Variants in SATB1 observed in about 807,000 individuals in gnomAD.
SATB1 encodes DNA-binding protein SATB1.
SATB1 carries 11 observed loss-of-function variants against 86.9 expected under a neutral mutation model. The observed-to-expected ratio is 0.13, with a 90% CI of 0.08 to 0.21. The LOEUF is 0.21. SATB1 is among the 10% of genes least tolerant of loss of function. SATB1 has a pLI of 1.00. For missense variants in SATB1, 551 were observed against 937.6 expected, an observed-to-expected ratio of 0.59 and a Z score of 5.39; for synonymous variants, 357 against 357.2, an observed-to-expected ratio of 1.00 and a Z score of 0.01.
At position 18,417,160 on chromosome 3, in the gene SATB1, G is replaced by C. The variant is rs1698159169; in HGVS notation, c.212-82C>G. The C allele has an allele frequency of 2.2e-6, 3 of 1,388,420 alleles. No individual in the cohort carries two copies. In the East Asian group the frequency reaches 6.9e-5, roughly 32 times the overall value. 86.0% of individuals were successfully genotyped at this position (1,388,420 alleles called of 1,614,324 possible). ...TTGGGGGTGGCGGGAGGAAATATTA[G>C]CCATGAAAATAAATAATCACAAGAG... On this transcript the variant is annotated intron_variant, in intron 2 of 10. Transcript: ENST00000338745.
chr3:18,400,527 C>A (rs145129720), intron 5 of SATB1, among the ~76,000 whole-genome samples: 1 of 152,238 alleles, frequency 6.6e-6, no homozygotes, highest in Admixed American at 6.5e-5. Context: ...TTTTAAAATT[C>A]ATTTAGCATA....
chr3:18,390,691 T>C (rs115052805), intron 7 of SATB1, among the ~76,000 whole-genome samples: 1 of 152,168 alleles, frequency 6.6e-6, no homozygotes, highest in South Asian at 2.1e-4. Flanking sequence ...ATTACTGTTA[T>C]CAGTTTTGAA....
In SATB1 at chr3:18,349,202, T is replaced by G; in HGVS notation, c.2260A>C (p.Asn754His). 4 of 1,614,082 alleles carry G rather than the reference T, an allele frequency of 2.5e-6. No homozygotes were observed. The highest frequency in any genetic ancestry group is 1.1e-5 in the South Asian group (1 of 91,084). Residue 754 changes from asparagine to histidine, a missense_variant, in exon 11 of 11, where the codon AAC becomes CAC. This residue lies in a region of SATB1 where 41 missense variants were observed against 38.9 expected (regional missense o/e 1.06). Coordinates refer to ENST00000338745, the MANE Select transcript of SATB1 (RefSeq NM_002971.6). This position sits in a 1 kb window ranked among gnomAD's most constrained non-coding sequence, Gnocchi z 5.5. Reference protein sequence around the residue: ...KLEEELSVEGNTDINTDLKD With the variant: ...KLEEELSVEGHTDINTDLKD ...TTCAAATCAGTATTAATGTCTGTGT[T>G]TCCTTCCACTGACAGCTCTTCTTCT...
At position 18,352,306 on chromosome 3, in the gene SATB1, A is replaced by G. The variant is rs1559388886; in HGVS notation, c.1576-111T>C. The G allele has an allele frequency of 1.2e-6, 1 of 846,478 alleles. No individual in the cohort carries two copies. Among genetic ancestry groups the G allele is most frequent in the Non-Finnish European group, 1.9e-6 (1 of 535,424 alleles). The allele number at this position is 846,478 out of a possible 1,614,324, so 52.4% of individuals were successfully genotyped here. A position where few individuals can be genotyped will look rare whatever the true frequency, so the allele number is the denominator to read the frequency against. On this transcript the variant is annotated intron_variant, in intron 9 of 10. Coordinates refer to ENST00000338745, the MANE Select transcript of SATB1 (RefSeq NM_002971.6). The surrounding 1 kb of genome is among the most constrained non-coding windows in gnomAD (Gnocchi z 4.1). The stretch of plus-strand genomic sequence containing the variant: ...TGAATTAACTTTTTCATAAGCTCAG[A>G]ACACACCATTCTGCTTTAAAAATTG...
chr3:18,411,276 G>A (rs917426986), intron 5 of SATB1, among the ~76,000 whole-genome samples: 3 of 152,052 alleles, frequency 2.0e-5, no homozygotes, highest in Non-Finnish European at 4.4e-5. Flanking sequence ...GTGTGTGCAC[G>A]TGTGCACGCG....
At chr3:18,369,613 G>A (rs1487763042) in intron 9 of SATB1, among the ~76,000 whole-genome samples, 2 of 147,168 alleles carry the variant, frequency 1.4e-5, no homozygotes, top group Non-Finnish European at 3.0e-5. Context: ...TGAACAAGCT[G>A]TTTGTGGTTA....
intron 9 of SATB1, among the ~76,000 whole-genome samples, chr3:18,370,468 A>C (rs540431066): frequency 9.2e-4 from 137 of 149,044 alleles, no homozygotes; most frequent in Middle Eastern, 3.4e-3. Flanking sequence ...AAGTATCTTA[A>C]ATGACTGCTT....
In SATB1 at chr3:18,352,639, T is replaced by C. The variant is rs116368382; in HGVS notation, c.1576-444A>G. 3.5e-3 allele frequency: 619 copies of C among 178,518 alleles called. 6 individuals are homozygous for C. The highest frequency in any genetic ancestry group is 0.013 in the African/African-American group (559 of 42,178). The allele number at this position is 178,518 out of a possible 1,614,324, so 11.1% of individuals were successfully genotyped here. On this transcript the variant is annotated intron_variant, in intron 9 of 10. Transcript: ENST00000338745. The surrounding 1 kb of genome is among the most constrained non-coding windows in gnomAD (Gnocchi z 4.1). ...ATTTCCTAAGCTTGTACTTTTTGGATTTGAAAGAAAACTGTGTGTGAATAT... is the reference window on the plus strand; with the variant it reads ...ATTTCCTAAGCTTGTACTTTTTGGACTTGAAAGAAAACTGTGTGTGAATAT...
intron 8 of SATB1, among the ~76,000 whole-genome samples, chr3:18,379,086 C>G (rs1002585678): frequency 1.3e-5 from 2 of 152,116 alleles, no homozygotes; most frequent in African/African-American, 4.8e-5. Flanking sequence ...AATATATAAT[C>G]AGTGACTTTA....
At chr3:18,412,883 A>T (rs909451410) in intron 5 of SATB1, among the ~76,000 whole-genome samples, 3 of 152,132 alleles carry the variant, frequency 2.0e-5, no homozygotes, top group Non-Finnish European at 4.4e-5. Flanking sequence ...GAAAAAGAGA[A>T]GATGATTCAG....
intron 9 of SATB1, among the ~76,000 whole-genome samples, chr3:18,369,073 C>A (rs768294191): frequency 1.3e-5 from 2 of 151,688 alleles, no homozygotes; most frequent in Non-Finnish European, 2.9e-5. Context: ...CCACAAATAT[C>A]TCCATGAAAT....
chr3:18,416,128 T>A lies in SATB1; in HGVS notation c.394A>T (p.Ile132Phe). 6.2e-7 allele frequency: 1 copy of A among 1,604,972 alleles called. No individual in the cohort carries two copies. Among genetic ancestry groups the A allele is most frequent in the Non-Finnish European group, 8.5e-7 (1 of 1,174,876 alleles). Residue 132 changes from isoleucine to phenylalanine, a missense_variant, in exon 4 of 11, where the codon ATC becomes TTC. Physicochemically the swap from Ile to Phe is conservative, Grantham distance 21. This residue lies in a region of SATB1 where 153 missense variants were observed against 258.1 expected (regional missense o/e 0.59). Transcript: ENST00000338745. Reference sequence around the variant, plus strand: ...ACTGGATTCCACTTTCCAACCTGGATTAGCCCTATTTCAGATAAAGAGAAT... The same window carrying A: ...ACTGGATTCCACTTTCCAACCTGGAATAGCCCTATTTCAGATAAAGAGAAT... ...HSSAAQAKGLIQVGKWNPVPL... is the reference protein window; with the variant it reads ...HSSAAQAKGLFQVGKWNPVPL...
At chr3:18,436,567 G>C (rs1699068811) in intron 2 of SATB1, among the ~76,000 whole-genome samples, 1 of 150,494 alleles carries the variant, frequency 6.6e-6, no homozygotes, top group Admixed American at 6.6e-5. Context: ...CAGATTAAGT[G>C]TTCAGATAAC....
rs1359434610 is a variant in SATB1, at chr3:18,346,147, G to A, written c.*3023C>T. The A allele has an allele frequency of 1.3e-5, 2 of 152,016 alleles. No individual in the cohort carries two copies. The highest frequency in any genetic ancestry group is 4.8e-5 in the African/African-American group (2 of 41,406). 9.4% of individuals were successfully genotyped at this position (152,016 alleles called of 1,614,324 possible). A position where few individuals can be genotyped will look rare whatever the true frequency, so the allele number is the denominator to read the frequency against. On this transcript the variant is annotated 3_prime_UTR_variant, in exon 11 of 11. Coordinates refer to ENST00000338745, the MANE Select transcript of SATB1 (RefSeq NM_002971.6). ...ATATTAGTTACCTTGGTTTTCAAAG[G>A]TTGTCAACTCTGCATATTGTGTGGC...
chr3:18,398,665 A>G lies in SATB1; in HGVS notation c.640-1375T>C, dbSNP rs557212991. On this transcript the variant is annotated intron_variant, in intron 5 of 10. Coordinates refer to ENST00000338745, the MANE Select transcript of SATB1 (RefSeq NM_002971.6). The stretch of plus-strand genomic sequence containing the variant: ...CTCTAAAGAACTTCCAGTGAAGGAT[A>G]AGCTGGAGTCGCATTATTTATGTAA... Among the ~76,000 whole-genome samples, 25 of 152,322 alleles carry G rather than the reference A, an allele frequency of 1.6e-4. No homozygotes were observed. The South Asian group carries it at 4.8e-3, about 29-fold the overall frequency.
At chr3:18,393,184 ATAACT>A (rs1417703875) in intron 7 of SATB1, among the ~76,000 whole-genome samples, 1 of 152,172 alleles carries the variant, frequency 6.6e-6, no homozygotes, top group Admixed American at 6.5e-5. Context: ...AATAAACAAA[ATAACT>A]TAAATATGAA....
intron 9 of SATB1, among the ~76,000 whole-genome samples, chr3:18,356,033 T>C (rs1046410705): frequency 2.0e-5 from 3 of 151,940 alleles, no homozygotes; most frequent in Admixed American, 6.6e-5. Context: ...AACCCTTTGT[T>C]TCTATTCAAA....
At chr3:18,373,600 G>C (rs1437971507) in intron 9 of SATB1, among the ~76,000 whole-genome samples, 1 of 152,142 alleles carries the variant, frequency 6.6e-6, no homozygotes, top group East Asian at 1.9e-4. Context: ...CCATTACCAT[G>C]TGAGAATTTC....
At chr3:18,405,763 G>C (rs1284506551) in intron 5 of SATB1, among the ~76,000 whole-genome samples, 1 of 151,948 alleles carries the variant, frequency 6.6e-6, no homozygotes, top group Non-Finnish European at 1.5e-5. Context: ...ACCCCTCTCA[G>C]ATCTGATCCA....
Sources: gnomAD v4.1 joint callset for allele counts (sites outside exome capture counted in the v4.1 genomes callset) on GRCh38, gnomAD v4.1.1 for gene constraint, gnomAD v4.1.1 regional missense constraint, Gnocchi (gnomAD v3.1) non-coding constraint, MANE v1.5 for transcripts, NCBI Gene and HGNC (gene_info 2026-07-23, HGNC 2026-07-21) for gene names.